Variants in MST1R observed in about 807,000 individuals in gnomAD.
The protein encoded by MST1R is macrophage-stimulating protein receptor.
A neutral mutation model predicts 117.8 loss-of-function variants in MST1R; 99 were observed. The ratio of observed to expected loss-of-function variants is 0.84; its 90% CI spans 0.71 to 0.99. MST1R has a LOEUF of 0.99. MST1R is among the 50% of genes least tolerant of loss of function. The probability of loss-of-function intolerance (pLI) is 0.00; values close to 1 mark genes in which losing one functional copy is unlikely to be tolerated. For synonymous variants in MST1R, 734 were observed against 765.3 expected, an observed-to-expected ratio of 0.96 and a Z score of 0.68; for missense variants, 1,683 against 1,840.2, an observed-to-expected ratio of 0.91 and a Z score of 1.56.
chr3:49,895,416 G>A (rs2108432744), intron 13 of MST1R, 31 bp downstream of exon 13: 2 of 1,613,986 alleles, frequency 1.2e-6, no homozygotes, highest in Non-Finnish European at 1.7e-6. Context: ...ACAGGGGGTG[G>A]CTTTAGCTTC....
Position 49,895,201 on chromosome 3 carries a change from C to T in MST1R, c.3237G>A (p.Arg1079=), listed in dbSNP as rs568355490. The T allele has an allele frequency of 3.1e-6, 5 of 1,614,186 alleles. No individual in the cohort carries two copies. The South Asian group carries it at 5.5e-5, about 18-fold the overall frequency. ...EVKDVLIPHE[R]VVTHSDRVIG... is the part of the protein sequence containing the mutation. ...TGACTCGGTCACTGTGGGTGACCAC[C>T]CGCTCATGGGGAATCAGCACATCCT... is the stretch of plus-strand genomic sequence containing the variant. Residue 1079 remains arginine, a synonymous_variant, in exon 14 of 20, where the codon CGG becomes CGA. Coordinates refer to ENST00000296474, the MANE Select transcript of MST1R (RefSeq NM_002447.4).
In MST1R at chr3:49,887,633, A is replaced by T. The variant is rs866330426; in HGVS notation, c.3948-71T>A. 3.0e-5 allele frequency: 47 copies of T among 1,558,164 alleles called. No homozygotes were observed. The Middle Eastern group carries it at 6.8e-4, about 22-fold the overall frequency. On this transcript the variant is annotated intron_variant, in intron 19 of 19. Coordinates refer to ENST00000296474, the MANE Select transcript of MST1R (RefSeq NM_002447.4). The stretch of plus-strand genomic sequence containing the variant: ...GATTCTGGGCCACCCACTTGCTGTT[A>T]AACCTCTGGCAGGCCACACAGGGAT...
At chr3:49,897,902 A>T in intron 5 of MST1R, 149 bp downstream of exon 5, 1 of 1,207,400 alleles carries the variant, frequency 8.3e-7, no homozygotes, top group Non-Finnish European at 1.2e-6. Context: ...AAAGGGACAG[A>T]GACCTTTTTG....
At chr3:49,898,431 G>A (rs2082555776) in intron 4 of MST1R, 87 bp downstream of exon 4, 3 of 1,530,900 alleles carry the variant, frequency 2.0e-6, no homozygotes, top group South Asian at 1.2e-5. Context: ...CCCCAGACCT[G>A]AGAAAAATTG....
intron 19 of MST1R, among the ~76,000 whole-genome samples, chr3:49,889,709 G>A (rs1172068662): frequency 6.6e-6 from 1 of 152,168 alleles, no homozygotes; most frequent in African/African-American, 2.4e-5. Context: ...TCTGAGCTCA[G>A]AATGCTGTTA....
chr3:49,888,156 G>A (rs2082215630), intron 19 of MST1R, among the ~76,000 whole-genome samples: 1 of 152,156 alleles, frequency 6.6e-6, no homozygotes, highest in African/African-American at 2.4e-5. Context: ...ACTGGGCAAA[G>A]CTGGGCGTGG....
In MST1R at chr3:49,897,569, T is replaced by A. The variant is rs1001672888; in HGVS notation, c.1997A>T (p.Lys666Met). ...SLTVTNMPPG[K>M]HFRVDGTSVL... ...GGAGGTGCCGTCTACCCGGAAGTGCTTGCCCGGTGGCATGTTAGTCACGGT... is the reference window on the plus strand; with the variant it reads ...GGAGGTGCCGTCTACCCGGAAGTGCATGCCCGGTGGCATGTTAGTCACGGT... The change falls in exon 6 of 20, where the codon AAG (lysine) becomes ATG (methionine). Residue 666 changes from lysine to methionine, a missense_variant. Physicochemically the swap from Lys to Met is moderately conservative, Grantham distance 95. Transcript: ENST00000296474. 6.2e-7 allele frequency: 1 copy of A among 1,614,106 alleles called. No homozygotes were observed. Among genetic ancestry groups the A allele is most frequent in the African/African-American group, 1.3e-5 (1 of 75,072 alleles).
chr3:49,900,380 T>G (rs1476301668), intron 1 of MST1R, among the ~76,000 whole-genome samples: 1 of 152,104 alleles, frequency 6.6e-6, no homozygotes, highest in East Asian at 1.9e-4. Context: ...GTGTTGGAGC[T>G]GAGTGCGAGG....
intron 1 of MST1R, among the ~76,000 whole-genome samples, chr3:49,900,206 A>G (rs2082631015): frequency 6.6e-6 from 1 of 152,136 alleles, no homozygotes; most frequent in Admixed American, 6.5e-5. Context: ...AAAGGGATAA[A>G]CCAAACCCCT....
chr3:49,897,040 G>T, intron 7 of MST1R, 150 bp from the exon 8 acceptor site: 1 of 1,203,600 alleles, frequency 8.3e-7, no homozygotes. Flanking sequence ...GTGGTCCCAG[G>T]AAGACATCCC....
At position 49,887,415 on chromosome 3, in the gene MST1R, G is replaced by A. The variant is rs2108350597; in HGVS notation, c.4095C>T (p.Pro1365=). Residue 1365 remains proline (P), a synonymous_variant, in exon 20 of 20, where the codon CCC becomes CCT. Transcript: ENST00000296474. ...QLPATYMNLG[P]STSHEMNVRP... is the part of the protein sequence containing the mutation. ...GCACATTCATCTCATGCGAGGTGCT[G>A]GGGCCCAAGTTCATGTAGGTTGCTG... 1 of 1,614,242 alleles carries A rather than the reference G, an allele frequency of 6.2e-7. No individual in the cohort carries two copies. The highest frequency in any genetic ancestry group is 8.5e-7 in the Non-Finnish European group (1 of 1,180,038).
chr3:49,895,312 A>G lies in MST1R; in HGVS notation c.3126T>C (p.Asp1042=), dbSNP rs1196267783. Residue 1042 remains aspartate, a synonymous_variant, in exon 14 of 20, where the codon GAT becomes GAC. Coordinates refer to ENST00000296474, the MANE Select transcript of MST1R (RefSeq NM_002447.4). ...GTGGCACACAGGATTCATCTTCACT[A>G]TCGGAGAAGGATGCTCCATGGACAC... ...TTCVHGASFS[D]SEDESCVPLL... is the part of the protein sequence containing the mutation. 1.2e-6 allele frequency: 2 copies of G among 1,614,196 alleles called. No individual in the cohort carries two copies. The highest frequency in any genetic ancestry group is 2.2e-5 in the South Asian group (2 of 91,086).
At chr3:49,889,355 G>A (rs1211926642) in intron 19 of MST1R, among the ~76,000 whole-genome samples, 1 of 152,184 alleles carries the variant, frequency 6.6e-6, no homozygotes, top group Admixed American at 6.5e-5. Flanking sequence ...CCTGAGACAG[G>A]AGGCGTTAAC....
chr3:49,898,261 A>T, intron 4 of MST1R, 50 bp from the exon 5 acceptor site: 1 of 1,604,060 alleles, frequency 6.2e-7, no homozygotes, highest in Non-Finnish European at 8.5e-7. Flanking sequence ...GGGCTCTCTC[A>T]GCCCCACCTG....
rs567905317 is a variant in MST1R at position 49,892,126 on chromosome 3, G to C, written c.3272-288C>G. On this transcript the variant is annotated intron_variant, in intron 14 of 19. Transcript: ENST00000296474. ...TTACAGGCAACTGCCACTACACACA[G>C]CTAATTTTTTTGTATTTTTAGTAGA... Among the ~76,000 whole-genome samples the C allele has an allele frequency of 2.0e-5, 3 of 151,754 alleles. No individual in the cohort carries two copies. In the East Asian group the frequency reaches 6.0e-4, roughly 30 times the overall value.
intron 17 of MST1R, 136 bp downstream of exon 17, chr3:49,891,061 A>G: frequency 1.3e-6 from 1 of 793,102 alleles, no homozygotes; most frequent in Non-Finnish European, 2.0e-6. Context: ...CCAAGTCTGC[A>G]CTGGGCAGAC....
chr3:49,902,860 C>T lies in MST1R; in HGVS notation c.750G>A (p.Val250=). Reference sequence around the variant, plus strand: ...CGAAGGCTCCCGTGTGGAAGCTGTGCACGTATTCAATACTGTAGGAGACAA... The same window carrying T: ...CGAAGGCTCCCGTGTGGAAGCTGTGTACGTATTCAATACTGTAGGAGACAA... ...KHLVSYSIEY[V]HSFHTGAFVY... Residue 250 remains valine, a synonymous_variant, in exon 1 of 20, where the codon GTG becomes GTA. Transcript: ENST00000296474. 1.2e-6 allele frequency: 2 copies of T among 1,613,622 alleles called. No homozygotes were observed. The highest frequency in any genetic ancestry group is 1.7e-5 in the Admixed American group (1 of 60,032).
At position 49,898,944 on chromosome 3, in the gene MST1R, G is replaced by C; in HGVS notation, c.1471C>G (p.Leu491Val). The change falls in exon 3 of 20, where the codon CTG becomes GTG. Residue 491 changes from leucine to valine, a missense_variant. Coordinates refer to ENST00000296474, the MANE Select transcript of MST1R (RefSeq NM_002447.4). ...NYLLYVSNFSLGDSGQPVQRD... is the reference protein window; with the variant it reads ...NYLLYVSNFSVGDSGQPVQRD... ...TGCACGGGCTGCCCACTGTCACCCA[G>C]TGAGAAGTTGGACACATACAGCAAG... 3 of 1,614,204 alleles carry C rather than the reference G, an allele frequency of 1.9e-6. No homozygotes were observed. Among genetic ancestry groups the C allele is most frequent in the Non-Finnish European group, 2.5e-6 (3 of 1,180,046 alleles).
Position 49,897,653 on chromosome 3 carries a change from A to T in MST1R, c.1913T>A (p.Phe638Tyr). The T allele has an allele frequency of 6.2e-7, 1 of 1,613,916 alleles. No individual in the cohort carries two copies. The highest frequency in any genetic ancestry group is 1.1e-5 in the South Asian group (1 of 91,068). Reference protein sequence around the residue: ...PVPRKDFVEEFECELEPLGTQ... With the variant: ...PVPRKDFVEEYECELEPLGTQ... ...GCCCAAGGGCTCCAGTTCACACTCA[A>T]ACTCCTCTACAAAGTCTTTCCGGGG... The change falls in exon 6 of 20, where the codon TTT becomes TAT. Residue 638 changes from phenylalanine to tyrosine, a missense_variant. Coordinates refer to ENST00000296474, the MANE Select transcript of MST1R (RefSeq NM_002447.4).
Sources: gnomAD v4.1 joint callset for allele counts (sites outside exome capture counted in the v4.1 genomes callset) on GRCh38, gnomAD v4.1.1 for gene constraint, MANE v1.5 for transcripts, NCBI Gene and HGNC (gene_info 2026-07-23, HGNC 2026-07-21) for gene names.